Variants in WWOX observed in about 807,000 individuals in gnomAD.
The protein encoded by WWOX is WW domain containing oxidoreductase, also known as WW domain-containing oxidoreductase.
Under a neutral mutation model 46.2 loss-of-function variants are expected in WWOX, and 69 were observed. The observed-to-expected ratio is 1.49, with a 90% CI of 1.23 to 1.82. WWOX has a LOEUF of 1.82. Ranked by LOEUF, WWOX falls within the 40% of genes most tolerant of loss-of-function variation. The pLI is 0.00. For missense variants in WWOX, 919 were observed against 542.6 expected, an observed-to-expected ratio of 1.69 and a Z score of -6.89; for synonymous variants, 359 against 202.6, an observed-to-expected ratio of 1.77 and a Z score of -6.56.
chr16:79,074,309 C>A (rs1040848490), intron 8 of WWOX, among the ~76,000 whole-genome samples: 1 of 151,586 alleles, frequency 6.6e-6, no homozygotes, highest in African/African-American at 2.4e-5. Context: ...CTGTCACCCC[C>A]ATTTCCCACA....
At chr16:78,365,001 G>C (rs1454102172) in intron 5 of WWOX, among the ~76,000 whole-genome samples, 1 of 152,144 alleles carries the variant, frequency 6.6e-6, no homozygotes, top group Non-Finnish European at 1.5e-5. Context: ...AGTATTTTCT[G>C]TGTACTATGG....
chr16:78,869,184 A>C (rs1354521925), intron 8 of WWOX, among the ~76,000 whole-genome samples: 1 of 152,188 alleles, frequency 6.6e-6, no homozygotes. Flanking sequence ...CAGCTGACTT[A>C]TTCATGTTCT....
Position 78,342,846 on chromosome 16 carries a change from A to G in WWOX, c.517-44014A>G, listed in dbSNP as rs1446258281. On this transcript the variant is annotated intron_variant, in intron 5 of 8. Coordinates refer to ENST00000566780, the MANE Select transcript of WWOX (RefSeq NM_016373.4). Reference sequence around the variant, plus strand: ...GGTGTCGGAGTAGCAGGAGAGCCACATATTTCTTAGTGAGGGGACCCAGAA... The same window carrying G: ...GGTGTCGGAGTAGCAGGAGAGCCACGTATTTCTTAGTGAGGGGACCCAGAA... 1.7e-5 allele frequency among the ~76,000 whole-genome samples: 2 copies of G among 120,544 alleles called. 1 individual carries two copies. The highest frequency in any genetic ancestry group is 1.6e-4 in the Admixed American group (2 of 12,454). The allele number at this position is 120,544 out of a possible 152,430, so 79.1% of individuals were successfully genotyped here.
intron 8 of WWOX, among the ~76,000 whole-genome samples, chr16:78,796,547 G>C (rs1365844346): frequency 1.3e-5 from 2 of 152,248 alleles, no homozygotes; most frequent in Non-Finnish European, 2.9e-5. Context: ...TGCCTTCTCA[G>C]GCTTGCTTTC....
rs142051229 is a variant in WWOX, at chr16:78,577,528, C to T, written c.1056+144776C>T. 7.4e-3 allele frequency among the ~76,000 whole-genome samples: 1,123 copies of T among 152,252 alleles called. 18 individuals are homozygous for T. Among genetic ancestry groups the T allele is most frequent in the African/African-American group, 0.026 (1,091 of 41,526 alleles). On this transcript the variant is annotated intron_variant, in intron 8 of 8. Coordinates refer to ENST00000566780, the MANE Select transcript of WWOX (RefSeq NM_016373.4). ...CTGGGTATGATGCCCTAATTTTGAGCCAAGCCAGCTAGAGTTCAAGTCCAA... is the reference window on the plus strand; with the variant it reads ...CTGGGTATGATGCCCTAATTTTGAGTCAAGCCAGCTAGAGTTCAAGTCCAA...
chr16:78,530,770 C>G (rs1010269887), intron 8 of WWOX, among the ~76,000 whole-genome samples: 19 of 152,176 alleles, frequency 1.2e-4, no homozygotes, highest in Non-Finnish European at 7.3e-5. Flanking sequence ...ATTCTTTGTA[C>G]ATATGAAATT....
intron 8 of WWOX, among the ~76,000 whole-genome samples, chr16:78,473,517 G>C (rs2084280896): frequency 6.6e-6 from 1 of 152,068 alleles, no homozygotes; most frequent in South Asian, 2.1e-4. Flanking sequence ...TGACCGACTG[G>C]CCCTCTCAGA....
At chr16:78,776,532 G>C (rs1240688925) in intron 8 of WWOX, among the ~76,000 whole-genome samples, 3 of 152,170 alleles carry the variant, frequency 2.0e-5, no homozygotes, top group Admixed American at 6.5e-5. Context: ...ATGATGACCT[G>C]TTTAGCAGCA....
intron 5 of WWOX, among the ~76,000 whole-genome samples, chr16:78,281,220 A>C (rs13330120): frequency 0.67 from 101,831 of 152,006 alleles, 34,968 homozygotes; most frequent in East Asian, 0.82. Context: ...CAGAGATCTC[A>C]CTCACTATGG....
chr16:79,140,384 C>T (rs114273883), intron 8 of WWOX, among the ~76,000 whole-genome samples: 180 of 152,296 alleles, frequency 1.2e-3, no homozygotes, highest in African/African-American at 3.9e-3. Flanking sequence ...ACCGCAGCAT[C>T]CGCCAGCTCT....
intron 8 of WWOX, among the ~76,000 whole-genome samples, chr16:78,944,924 A>G (rs1048430308): frequency 6.6e-6 from 1 of 152,170 alleles, no homozygotes; most frequent in Admixed American, 6.5e-5. Flanking sequence ...CACACCTGTA[A>G]TCCCAGCACT....
At chr16:78,928,264 G>A (rs962643096) in intron 8 of WWOX, among the ~76,000 whole-genome samples, 3 of 148,154 alleles carry the variant, frequency 2.0e-5, no homozygotes, top group Admixed American at 6.8e-5. Flanking sequence ...GTGCAGTGGC[G>A]CGATCTCGGC....
chr16:79,184,670 G>T (rs1408062179), intron 8 of WWOX, among the ~76,000 whole-genome samples: 1 of 152,154 alleles, frequency 6.6e-6, no homozygotes, highest in Non-Finnish European at 1.5e-5. Context: ...CCCACCCCGT[G>T]GTGATTCATA....
chr16:79,102,451 G>A (rs956627765), intron 8 of WWOX, among the ~76,000 whole-genome samples: 1 of 152,126 alleles, frequency 6.6e-6, no homozygotes, highest in African/African-American at 2.4e-5. Flanking sequence ...AGGAGCCATT[G>A]GAGATTTGAA....
At chr16:78,261,208 T>C (rs1350090689) in intron 5 of WWOX, among the ~76,000 whole-genome samples, 1 of 150,824 alleles carries the variant, frequency 6.6e-6, no homozygotes, top group Non-Finnish European at 1.5e-5. Flanking sequence ...ATGCTTTATG[T>C]GTGTTCATTC....
At chr16:78,382,686 A>G (rs2081980202) in intron 5 of WWOX, among the ~76,000 whole-genome samples, 1 of 152,168 alleles carries the variant, frequency 6.6e-6, no homozygotes, top group Non-Finnish European at 1.5e-5. Flanking sequence ...TGCTAATTCT[A>G]ACACTTCTTA....
intron 8 of WWOX, among the ~76,000 whole-genome samples, chr16:78,663,773 C>T (rs1010052860): frequency 5.3e-5 from 8 of 152,098 alleles, no homozygotes; most frequent in Non-Finnish European, 1.0e-4. Flanking sequence ...TTGAACTACA[C>T]CCTGAATGAA....
chr16:78,200,654 T>C (rs2036201306), intron 5 of WWOX, among the ~76,000 whole-genome samples: 1 of 151,000 alleles, frequency 6.6e-6, no homozygotes, highest in Non-Finnish European at 1.5e-5. Flanking sequence ...CCCTGGGGAA[T>C]TTTTGTTATC....
intron 8 of WWOX, among the ~76,000 whole-genome samples, chr16:78,907,259 A>G (rs918832222): frequency 6.6e-6 from 1 of 152,122 alleles, no homozygotes; most frequent in Non-Finnish European, 1.5e-5. Flanking sequence ...GACCAGTTGA[A>G]TGGGGATGGG....
Sources: allele counts gnomAD v4.1 joint callset (sites outside exome capture counted in the v4.1 genomes callset), GRCh38; gene constraint gnomAD v4.1.1; transcripts MANE v1.5; gene names NCBI Gene and HGNC (gene_info 2026-07-23, HGNC 2026-07-21).